The following CAST variants were observed in gnomAD, a reference collection of about 807,000 sequenced individuals.
CAST encodes the protein calpastatin.
Under a neutral mutation model 119.6 loss-of-function variants are expected in CAST, and 76 were observed. The ratio of observed to expected loss-of-function variants is 0.64; its 90% CI spans 0.53 to 0.77. The LOEUF (loss-of-function observed/expected upper bound fraction) is 0.77, where lower values mean the gene tolerates loss of function less well. CAST is among the 30% of genes least tolerant of loss of function. CAST has a pLI of 0.00. For synonymous variants in CAST, 319 were observed against 331.6 expected (o/e 0.96, Z 0.41); for missense variants, 953 against 946.5 (o/e 1.01, Z -0.09).
the CAST span, chr5:96,423,257 T>G: frequency 3.2e-6 from 5 of 1,540,214 alleles, no homozygotes; most frequent in Non-Finnish European, 4.4e-6. Context: ...AAGCCCTAAC[T>G]GTGTGTCTGC....
chr5:96,175,755 C>T, the CAST span, among the ~76,000 whole-genome samples: 1 of 152,194 alleles, frequency 6.6e-6, no homozygotes, highest in African/African-American at 2.4e-5. Flanking sequence ...TAGAGTGATG[C>T]TTCCACTCAG....
chr5:96,426,332 C>A, the CAST span, among the ~76,000 whole-genome samples: 5 of 152,136 alleles, frequency 3.3e-5, no homozygotes, highest in Admixed American at 3.3e-4. Flanking sequence ...CAAGAGACTG[C>A]TGTTATAATG....
the CAST span, among the ~76,000 whole-genome samples, chr5:96,218,089 C>T: frequency 6.6e-5 from 10 of 151,978 alleles, no homozygotes; most frequent in African/African-American, 1.2e-4. Flanking sequence ...TTGCTTTTTT[C>T]GATGCTAGCA....
At chr5:96,740,245 A>G (rs1762407284) in intron 12 of CAST, 127 bp downstream of exon 12, 2 of 602,462 alleles carry the variant, frequency 3.3e-6, no homozygotes, top group Non-Finnish European at 5.9e-6. Flanking sequence ...CATTACTATG[A>G]AGCTCGCTGC....
At chr5:96,477,263 A>G in the CAST span, among the ~76,000 whole-genome samples, 1 of 151,426 alleles carries the variant, frequency 6.6e-6, no homozygotes, top group Non-Finnish European at 1.5e-5. Context: ...ATATATAGAA[A>G]GATGCAAGGT....
rs1043392763 is a variant in CAST, at chr5:96,695,638, A to G, written c.139-198A>G. On this transcript the variant is annotated intron_variant, in intron 2 of 31. Coordinates refer to ENST00000675179, the MANE Select transcript of CAST (RefSeq NM_001750.7). ...ATATTGAACAATTGAGACTTATTCA[A>G]CTTACTCTTCATTTCAATATTTGTA... is the stretch of plus-strand genomic sequence containing the variant. 2.7e-5 allele frequency: 12 copies of G among 442,410 alleles called. No homozygotes were observed. The South Asian group carries it at 2.7e-4, about 10-fold the overall frequency. 27.4% of individuals were successfully genotyped at this position (442,410 alleles called of 1,614,324 possible). A position where few individuals can be genotyped will look rare whatever the true frequency, so the allele number is the denominator to read the frequency against.
At chr5:96,728,201 G>C (rs1049354675) in intron 6 of CAST, 2 of 152,252 alleles carry the variant, frequency 1.3e-5, no homozygotes, top group African/African-American at 4.8e-5. Context: ...AAGGTTTCCT[G>C]TGGAAAAGCA....
the CAST span, among the ~76,000 whole-genome samples, chr5:96,389,286 A>G: frequency 2.0e-5 from 3 of 152,324 alleles, no homozygotes; most frequent in Non-Finnish European, 4.4e-5. Context: ...AAGGTAACTG[A>G]GAGAATGGAT....
chr5:96,646,835 A>G (rs553883753), intron 1 of CAST, among the ~76,000 whole-genome samples: 1 of 152,380 alleles, frequency 6.6e-6, no homozygotes, highest in East Asian at 1.9e-4. Flanking sequence ...GTTAAAGCTT[A>G]TCACTTAGAA....
the CAST span, among the ~76,000 whole-genome samples, chr5:96,206,016 G>A: frequency 6.6e-6 from 1 of 151,910 alleles, no homozygotes; most frequent in Admixed American, 6.6e-5. Flanking sequence ...CATTCTGAAT[G>A]ATGTCGGATA....
At chr5:96,152,491 A>G in the CAST span, among the ~76,000 whole-genome samples, 1 of 152,148 alleles carries the variant, frequency 6.6e-6, no homozygotes, top group Non-Finnish European at 1.5e-5. Flanking sequence ...CTAGGAGAGG[A>G]AGACTGACTG....
At chr5:96,185,188 T>C in the CAST span, among the ~76,000 whole-genome samples, 9 of 152,214 alleles carry the variant, frequency 5.9e-5, no homozygotes, top group East Asian at 1.7e-3. Flanking sequence ...CACTTTTTAA[T>C]GGAGTTGTTT....
chr5:96,517,691 G>C, the CAST span, among the ~76,000 whole-genome samples: 1 of 152,178 alleles, frequency 6.6e-6, no homozygotes, highest in African/African-American at 2.4e-5. Flanking sequence ...AACACCTTCA[G>C]GGAGAACCAA....
At chr5:95,978,547 C>A in the CAST span, among the ~76,000 whole-genome samples, 1 of 151,710 alleles carries the variant, frequency 6.6e-6, no homozygotes, top group Non-Finnish European at 1.5e-5. Flanking sequence ...GGATATTAGA[C>A]CTTTGTCAGA....
At chr5:96,006,614 T>A in the CAST span, among the ~76,000 whole-genome samples, 17 of 152,194 alleles carry the variant, frequency 1.1e-4, no homozygotes, top group Non-Finnish European at 1.0e-4. Flanking sequence ...AACCTTCTGA[T>A]GCCAGGGTCA....
intron 2 of CAST, among the ~76,000 whole-genome samples, chr5:96,681,739 A>C (rs1196120679): frequency 7.3e-5 from 11 of 151,520 alleles, no homozygotes; most frequent in Admixed American, 7.2e-4. Context: ...TCTCAAAAAA[A>C]AAAAAAAAAA....
the CAST span, among the ~76,000 whole-genome samples, chr5:96,389,089 G>A: frequency 6.6e-6 from 1 of 152,016 alleles, no homozygotes; most frequent in Admixed American, 6.5e-5. Context: ...TTTTTGCAGT[G>A]GGGTGGGAGA....
chr5:96,377,417 C>T, the CAST span, among the ~76,000 whole-genome samples: 14 of 152,096 alleles, frequency 9.2e-5, 1 homozygote, highest in South Asian at 8.3e-4. Context: ...GATATACAGG[C>T]GAATCATTTT....
the CAST span, among the ~76,000 whole-genome samples, chr5:96,169,861 T>G: frequency 6.6e-6 from 1 of 152,110 alleles, no homozygotes; most frequent in Non-Finnish European, 1.5e-5. Context: ...TGTTTTGACC[T>G]AATAAGGGAG....
Sources: allele counts gnomAD v4.1 joint callset (sites outside exome capture counted in the v4.1 genomes callset), GRCh38; gene constraint gnomAD v4.1.1; transcripts MANE v1.5; gene names NCBI Gene and HGNC (gene_info 2026-07-23, HGNC 2026-07-21).